Variants in ATP13A5 observed in about 807,000 individuals in gnomAD.
ATP13A5 encodes the protein probable cation-transporting ATPase 13A5.
A neutral mutation model predicts 150.2 loss-of-function variants in ATP13A5; 149 were observed. The observed-to-expected ratio is 0.99, with a 90% CI of 0.87 to 1.14. The LOEUF is 1.14. ATP13A5 is among the 50% of genes most tolerant of loss of function. ATP13A5 has a pLI of 0.00. For missense variants in ATP13A5, 1,383 were observed against 1,449.3 expected, an observed-to-expected ratio of 0.95 and a Z score of 0.74; for synonymous variants, 497 against 522.2, an observed-to-expected ratio of 0.95 and a Z score of 0.66.
Position 193,363,248 on chromosome 3 carries a change from C to A in ATP13A5, c.372G>T (p.Lys124Asn), listed in dbSNP as rs147506893. 9.3e-6 allele frequency: 15 copies of A among 1,612,720 alleles called. No homozygotes were observed. In the Admixed American group the frequency reaches 2.5e-4, roughly 27 times the overall value. The change falls in exon 3 of 30, where the codon AAG becomes AAT. Residue 124 changes from lysine (K) to asparagine (N), a missense_variant. By Grantham distance (94) the Lys-to-Asn change is moderately conservative. This residue lies in a region of ATP13A5 where 787 missense variants were observed against 771.9 expected (regional missense o/e 1.02). Coordinates refer to ENST00000342358, the MANE Select transcript of ATP13A5 (RefSeq NM_198505.4). ...RHSVINQALIKPELKLRCMEV... is the reference protein window; with the variant it reads ...RHSVINQALINPELKLRCMEV... ...TCAAGTAACTTACTTTTAATTCTGGCTTTATTAAGGCTTGGTTTATGACAG... is the reference window on the plus strand; with the variant it reads ...TCAAGTAACTTACTTTTAATTCTGGATTTATTAAGGCTTGGTTTATGACAG...
intron 1 of ATP13A5, among the ~76,000 whole-genome samples, chr3:193,375,438 G>A (rs1015255775): frequency 6.6e-6 from 1 of 152,096 alleles, no homozygotes; most frequent in Non-Finnish European, 1.5e-5. Flanking sequence ...GTGAAGCTAT[G>A]GGTCCTGAGA....
At chr3:193,378,341 A>G (rs1245659066) in intron 1 of ATP13A5, among the ~76,000 whole-genome samples, 2 of 152,222 alleles carry the variant, frequency 1.3e-5, no homozygotes, top group Admixed American at 6.5e-5. Flanking sequence ...TCACATAGCA[A>G]TCCAGATAAT....
intron 1 of ATP13A5, among the ~76,000 whole-genome samples, chr3:193,369,508 A>G (rs1713367364): frequency 6.6e-6 from 1 of 152,180 alleles, no homozygotes; most frequent in South Asian, 2.1e-4. Context: ...ATTAGATTGT[A>G]TAAATGATTA....
chr3:193,318,667 A>G (rs1304001624), intron 17 of ATP13A5, among the ~76,000 whole-genome samples: 1 of 152,166 alleles, frequency 6.6e-6, no homozygotes, highest in African/African-American at 2.4e-5. Flanking sequence ...TCTGAGGTTG[A>G]AGGAGCGTTG....
chr3:193,374,299 CACAG>C (rs1252341400), intron 1 of ATP13A5, among the ~76,000 whole-genome samples: 9 of 116,074 alleles, frequency 7.8e-5, no homozygotes, highest in South Asian at 2.8e-4. Flanking sequence ...CACACACACA[CACAG>C]AGAGAGAGAG....
At chr3:193,339,113 A>C (rs1306940584) in intron 9 of ATP13A5, among the ~76,000 whole-genome samples, 2 of 150,560 alleles carry the variant, frequency 1.3e-5, no homozygotes, top group Non-Finnish European at 3.0e-5. Context: ...CATCTATTTT[A>C]TTCTTCTCTC....
chr3:193,357,773 T>C (rs1712847283), intron 5 of ATP13A5, among the ~76,000 whole-genome samples: 1 of 152,164 alleles, frequency 6.6e-6, no homozygotes, highest in Admixed American at 6.5e-5. Context: ...AGTTGAACAA[T>C]TTCTCAGCAG....
At chr3:193,293,094 A>G (rs994781425) in intron 25 of ATP13A5, among the ~76,000 whole-genome samples, 2 of 152,076 alleles carry the variant, frequency 1.3e-5, no homozygotes, top group Non-Finnish European at 2.9e-5. Flanking sequence ...TTAAAGACCC[A>G]CAGTTAGTGA....
chr3:193,329,512 C>T (rs1270199167), intron 12 of ATP13A5, among the ~76,000 whole-genome samples: 1 of 152,096 alleles, frequency 6.6e-6, no homozygotes, highest in Non-Finnish European at 1.5e-5. Context: ...GAACATATTT[C>T]ATAAGTCTCC....
Position 193,333,829 on chromosome 3 carries a change from G to A in ATP13A5, c.1193C>T (p.Ala398Val), listed in dbSNP as rs976953321. 2.5e-6 allele frequency: 4 copies of A among 1,613,764 alleles called. No homozygotes were observed. In the African/African-American group the frequency reaches 5.3e-5, roughly 22 times the overall value. Residue 398 changes from alanine (A) to valine (V), a missense_variant, in exon 11 of 30, where the codon GCC becomes GTC. Coordinates refer to ENST00000342358, the MANE Select transcript of ATP13A5 (RefSeq NM_198505.4). ...GGCCAGGAACACGATGAACTTGAAG[G>A]CATCGCTGTATAGTTTGAAGTTCAG... The part of the protein sequence containing the change: ...RPLNFKLYSD[A>V]FKFIVFLACL...
intron 1 of ATP13A5, among the ~76,000 whole-genome samples, chr3:193,373,766 A>G (rs1713535829): frequency 6.6e-6 from 1 of 152,136 alleles, no homozygotes. Context: ...CCACAACCAC[A>G]TGATTAGCAG....
intron 1 of ATP13A5, among the ~76,000 whole-genome samples, chr3:193,369,317 G>T (rs1202833731): frequency 6.6e-6 from 1 of 151,700 alleles, no homozygotes; most frequent in East Asian, 1.9e-4. Flanking sequence ...TGATTAAAAG[G>T]TCTCTGAAGA....
intron 29 of ATP13A5, among the ~76,000 whole-genome samples, chr3:193,275,987 A>G (rs1040268479): frequency 4.6e-5 from 7 of 152,178 alleles, no homozygotes; most frequent in African/African-American, 1.7e-4. Context: ...CAGCATCTCA[A>G]CAACACTTAA....
At chr3:193,362,147 C>T (rs939311849) in intron 5 of ATP13A5, among the ~76,000 whole-genome samples, 3 of 152,166 alleles carry the variant, frequency 2.0e-5, no homozygotes, top group East Asian at 3.8e-4. Context: ...GATGATTGCT[C>T]TACAAGCCTG....
At chr3:193,353,355 T>C (rs1209742345) in intron 6 of ATP13A5, among the ~76,000 whole-genome samples, 1 of 151,592 alleles carries the variant, frequency 6.6e-6, no homozygotes, top group Non-Finnish European at 1.5e-5. Flanking sequence ...AAAATATTTT[T>C]AAAAACAAAA....
rs755635992 is a variant in ATP13A5 at position 193,290,050 on chromosome 3, G to C, written c.2858C>G (p.Thr953Ser). 24 of 1,599,186 alleles carry C rather than the reference G, an allele frequency of 1.5e-5. No homozygotes were observed. The highest frequency in any genetic ancestry group is 2.0e-5 in the Non-Finnish European group (24 of 1,175,536). Reference sequence around the variant, plus strand: ...TGGAGCCAGCTTTGGGTAGGCATGAGTTGAACTCACTGAAAGACAAATACA... The same window carrying C: ...TGGAGCCAGCTTTGGGTAGGCATGACTTGAACTCACTGAAAGACAAATACA... The part of the protein sequence containing the change: ...TLMVCLTMSS[T>S]HAYPKLAPYR... Residue 953 changes from threonine (T) to serine (S), a missense_variant, in exon 26 of 30, where the codon ACT becomes AGT. By Grantham distance (58) the Thr-to-Ser change is moderately conservative. Around this residue, in one of 3 missense-constraint regions of ATP13A5, gnomAD observed 568 missense variants for 621.5 expected, o/e 0.91. Transcript: ENST00000342358.
At chr3:193,306,721 C>T (rs1718633000) in intron 22 of ATP13A5, among the ~76,000 whole-genome samples, 1 of 152,130 alleles carries the variant, frequency 6.6e-6, no homozygotes, top group African/African-American at 2.4e-5. Flanking sequence ...GAATATAAAA[C>T]ATTCACTGCC....
chr3:193,365,444 G>T (rs1163043031), intron 1 of ATP13A5, among the ~76,000 whole-genome samples: 1 of 152,076 alleles, frequency 6.6e-6, no homozygotes, highest in Non-Finnish European at 1.5e-5. Flanking sequence ...TAAGGTTTAA[G>T]TTAGAAATAT....
intron 1 of ATP13A5, among the ~76,000 whole-genome samples, chr3:193,367,782 A>C (rs1351071229): frequency 6.6e-6 from 1 of 152,170 alleles, no homozygotes; most frequent in Non-Finnish European, 1.5e-5. Context: ...CCAATACATG[A>C]TTTAAAAAAT....
Sources: gnomAD v4.1 joint callset for allele counts (sites outside exome capture counted in the v4.1 genomes callset) on GRCh38, gnomAD v4.1.1 for gene constraint, gnomAD v4.1.1 regional missense constraint, MANE v1.5 for transcripts, NCBI Gene and HGNC (gene_info 2026-07-23, HGNC 2026-07-21) for gene names.